CHPT1: variants seen among roughly 807,000 people sequenced by gnomAD.
CHPT1 encodes the protein cholinephosphotransferase 1.
Under a neutral mutation model 47.6 loss-of-function variants are expected in CHPT1, and 36 were observed. The ratio of observed to expected loss-of-function variants is 0.76; its 90% confidence interval spans 0.58 to 1.00. The LOEUF (loss-of-function observed/expected upper bound fraction) is 1.00, where lower values mean the gene tolerates loss of function less well. Among genes scored for constraint, CHPT1 ranks in the 50% least tolerant of loss-of-function variants. The pLI, the probability that CHPT1 is intolerant of heterozygous loss-of-function variation, is 0.00. For missense variants in CHPT1, 458 were observed against 498.1 expected (o/e 0.92, Z 0.77); for synonymous variants, 194 against 186.3 (o/e 1.04, Z -0.33).
In CHPT1 at chr12:101,714,517, G is replaced by A. The variant is rs768586041; in HGVS notation, c.435G>A (p.Val145=). The A allele has an allele frequency of 6.2e-7, 1 of 1,600,948 alleles. No homozygotes were observed. The highest frequency in any genetic ancestry group is 8.5e-7 in the Non-Finnish European group (1 of 1,176,250). ...TGTTTCTTTCAGTATTTATGGCAGTGGGAGCTTCAATTGCCGCTCGCTTAG... is the reference window on the plus strand; with the variant it reads ...TGTTTCTTTCAGTATTTATGGCAGTAGGAGCTTCAATTGCCGCTCGCTTAG... ...CDSLSTVFMA[V]GASIAARLGT... Residue 145 remains valine, a synonymous_variant, in exon 3 of 9, where the codon GTG becomes GTA. Transcript: ENST00000229266.
At chr12:101,714,460 A>G in intron 2 of CHPT1, 44 bp from the exon 3 acceptor site, 1 of 1,516,088 alleles carries the variant, frequency 6.6e-7, no homozygotes, top group Non-Finnish European at 8.9e-7. Context: ...TATTTCATAA[A>G]TTATTTTTAA....
chr12:101,706,079 C>T (rs180766307), intron 1 of CHPT1, among the ~76,000 whole-genome samples: 57 of 151,984 alleles, frequency 3.8e-4, no homozygotes, highest in Admixed American at 4.6e-4. Context: ...TGGCTGGGTG[C>T]GGTGACTCAT....
In CHPT1 at chr12:101,706,395, C is replaced by G. The variant is rs140652363; in HGVS notation, c.274-7695C>G. 2.0e-3 allele frequency among the ~76,000 whole-genome samples: 310 copies of G among 152,030 alleles called. 1 individual carries two copies. The highest frequency in any genetic ancestry group is 7.0e-3 in the African/African-American group (292 of 41,460). On this transcript the variant is annotated intron_variant, in intron 1 of 8. Coordinates refer to ENST00000229266, the MANE Select transcript of CHPT1 (RefSeq NM_020244.3). ...AAAAATAGAATACGTGTCTCATGCC[C>G]ATGAGAGGATCACATTCTAATATGA...
chr12:101,719,934 T>C lies in CHPT1; in HGVS notation c.649-189T>C, dbSNP rs554761446. The C allele has an allele frequency of 8.8e-6, 3 of 340,462 alleles. No homozygotes were observed. The South Asian group carries it at 2.2e-4, about 24-fold the overall frequency. The allele number at this position is 340,462 out of a possible 1,614,324, so 21.1% of individuals were successfully genotyped here. Reference sequence around the variant, plus strand: ...CTAGTCTACAAAAAATAATAAAAATTTAAAAACTAAAAAAAAAAGTTAAAA... The same window carrying C: ...CTAGTCTACAAAAAATAATAAAAATCTAAAAACTAAAAAAAAAAGTTAAAA... On this transcript the variant is annotated intron_variant, in intron 4 of 8. Transcript: ENST00000229266.
chr12:101,723,475 G>A (rs1038885500), intron 6 of CHPT1, 149 bp downstream of exon 6: 2 of 626,058 alleles, frequency 3.2e-6, no homozygotes, highest in Non-Finnish European at 5.3e-6. Context: ...ACTGTGATAA[G>A]AGTTATATTC....
At chr12:101,704,513 T>C (rs539247395) in intron 1 of CHPT1, among the ~76,000 whole-genome samples, 24 of 151,798 alleles carry the variant, frequency 1.6e-4, no homozygotes, top group South Asian at 4.2e-4. Flanking sequence ...GTGATTCTCC[T>C]GCCTCAGCCT....
intron 1 of CHPT1, among the ~76,000 whole-genome samples, chr12:101,704,197 T>G (rs1255886708): frequency 2.1e-5 from 3 of 141,396 alleles, no homozygotes; most frequent in Non-Finnish European, 4.4e-5. Context: ...TTTGTTTTTG[T>G]TTTTTTTCAG....
At chr12:101,702,489 A>G (rs1360059421) in intron 1 of CHPT1, among the ~76,000 whole-genome samples, 2 of 152,214 alleles carry the variant, frequency 1.3e-5, no homozygotes, top group East Asian at 3.8e-4. Flanking sequence ...CTCTGTTTAA[A>G]TAACTTATTT....
chr12:101,704,754 C>A lies in CHPT1; in HGVS notation c.273+6620C>A, dbSNP rs1018796541. Among the ~76,000 whole-genome samples, 22 of 108,826 alleles carry A rather than the reference C, an allele frequency of 2.0e-4. 1 individual carries two copies. Among genetic ancestry groups the A allele is most frequent in the Non-Finnish European group, 3.5e-4 (19 of 54,816 alleles). 71.4% of individuals were successfully genotyped at this position (108,826 alleles called of 152,430 possible). A position where few individuals can be genotyped will look rare whatever the true frequency, so the allele number is the denominator to read the frequency against. ...CAAAATATATTAAAATAAACATAAACATTCAATTGAAAAGTTTACCTACAG... is the reference window on the plus strand; with the variant it reads ...CAAAATATATTAAAATAAACATAAAAATTCAATTGAAAAGTTTACCTACAG... On this transcript the variant is annotated intron_variant, in intron 1 of 8. Transcript: ENST00000229266.
At chr12:101,713,738 C>T (rs1167750305) in intron 1 of CHPT1, among the ~76,000 whole-genome samples, 1 of 152,004 alleles carries the variant, frequency 6.6e-6, no homozygotes, top group Non-Finnish European at 1.5e-5. Flanking sequence ...TGGCAGTTGG[C>T]CCCTAAGGTC....
At chr12:101,721,075 A>G (rs1951842766) in intron 5 of CHPT1, among the ~76,000 whole-genome samples, 1 of 152,148 alleles carries the variant, frequency 6.6e-6, no homozygotes. Context: ...TGAGGTCAAG[A>G]GTTCGAGACC....
intron 7 of CHPT1, 42 bp from the exon 8 acceptor site, chr12:101,726,252 T>C (rs1037832052): frequency 3.0e-6 from 4 of 1,327,152 alleles, no homozygotes; most frequent in Non-Finnish European, 4.3e-6. Context: ...TGAGAAAAGA[T>C]AGATCATAAT....
rs78100164 is a variant in CHPT1 at position 101,724,744 on chromosome 12, C to T, written c.1065+897C>T. 8.7e-3 allele frequency among the ~76,000 whole-genome samples: 1,063 copies of T among 122,398 alleles called. 12 individuals are homozygous for T. Among genetic ancestry groups the T allele is most frequent in the African/African-American group, 0.034 (991 of 28,874 alleles). 80.3% of individuals were successfully genotyped at this position (122,398 alleles called of 152,430 possible). ...GATTATATCCTGCTTAAGGAAACGA[C>T]GTGGATGACATAATTTCTATTCAAA... On this transcript the variant is annotated intron_variant, in intron 7 of 8. Coordinates refer to ENST00000229266, the MANE Select transcript of CHPT1 (RefSeq NM_020244.3).
chr12:101,703,814 T>C (rs564835645), intron 1 of CHPT1, among the ~76,000 whole-genome samples: 96 of 152,316 alleles, frequency 6.3e-4, no homozygotes, highest in African/African-American at 2.2e-3. Flanking sequence ...CTACTTCTTA[T>C]GTCTTCCAGA....
In CHPT1 at chr12:101,697,866, C is replaced by T; in HGVS notation, c.5C>T (p.Ala2Val). Residue 2 changes from alanine to valine, a missense_variant, in exon 1 of 9, where the codon GCG becomes GTG. Physicochemically the swap from Ala to Val is moderately conservative, Grantham distance 64. Coordinates refer to ENST00000229266, the MANE Select transcript of CHPT1 (RefSeq NM_020244.3). ...CGGCGGGGCCCTCAGGCGGCCATGGCGGCAGGCGCCGGGGCCGGGTCCGCG... is the reference window on the plus strand; with the variant it reads ...CGGCGGGGCCCTCAGGCGGCCATGGTGGCAGGCGCCGGGGCCGGGTCCGCG... M[A>V]AGAGAGSAPR... The T allele has an allele frequency of 7.7e-6, 9 of 1,173,318 alleles. No homozygotes were observed. The highest frequency in any genetic ancestry group is 9.5e-6 in the Non-Finnish European group (9 of 950,150). The allele number at this position is 1,173,318 out of a possible 1,614,324, so 72.7% of individuals were successfully genotyped here.
At chr12:101,700,300 A>G (rs1951534146) in intron 1 of CHPT1, among the ~76,000 whole-genome samples, 1 of 141,080 alleles carries the variant, frequency 7.1e-6, no homozygotes, top group Admixed American at 7.2e-5. Flanking sequence ...ATGATTAATT[A>G]GTTTTTAGGA....
intron 1 of CHPT1, among the ~76,000 whole-genome samples, chr12:101,713,703 C>T (rs957520572): frequency 7.3e-6 from 1 of 136,298 alleles, no homozygotes; most frequent in Non-Finnish European, 1.7e-5. Flanking sequence ...GTCCCTGATA[C>T]TCCATTGTGA....
chr12:101,711,369 A>G (rs1209415534), intron 1 of CHPT1, among the ~76,000 whole-genome samples: 2 of 148,548 alleles, frequency 1.3e-5, no homozygotes, highest in Non-Finnish European at 3.0e-5. Flanking sequence ...AAATCTTGCC[A>G]TTTACCACAA....
intron 4 of CHPT1, chr12:101,717,528 C>T (rs185145230): frequency 8.7e-5 from 24 of 275,208 alleles, no homozygotes; most frequent in Non-Finnish European, 2.2e-5. Flanking sequence ...CCATCTGCCC[C>T]TCAGTTTTAT....
Sources: gnomAD v4.1 joint callset for allele counts (sites outside exome capture counted in the v4.1 genomes callset) on GRCh38, gnomAD v4.1.1 for gene constraint, MANE v1.5 for transcripts, NCBI Gene and HGNC (gene_info 2026-07-23, HGNC 2026-07-21) for gene names.